The following COL6A6 variants were observed in gnomAD, a reference collection of about 807,000 sequenced individuals.
The protein encoded by COL6A6 is collagen type VI alpha 6 chain, also known as collagen alpha-6(VI) chain.
COL6A6 carries 183 observed loss-of-function variants against 208.6 expected under a neutral mutation model. The observed-to-expected ratio is 0.88, with a 90% CI of 0.78 to 0.99. COL6A6 has a LOEUF of 0.99. Ranked by LOEUF, COL6A6 falls within the 50% of genes least tolerant of loss-of-function variation. COL6A6 has a pLI of 0.00. For synonymous variants in COL6A6, 973 were observed against 1,011.8 expected (o/e 0.96, Z 0.73); for missense variants, 2,816 against 2,815.2 (o/e 1.00, Z -0.01).
chr3:130,544,418 A>G (rs562891210), intron 1 of COL6A6, among the ~76,000 whole-genome samples: 5 of 152,092 alleles, frequency 3.3e-5, no homozygotes, highest in African/African-American at 1.2e-4. Context: ...CAGTTTCTTT[A>G]CCCATTCATC....
Position 130,589,091 on chromosome 3 carries a change from T to A in COL6A6, c.4127T>A (p.Val1376Asp). The A allele has an allele frequency of 6.2e-7, 1 of 1,613,340 alleles. No individual in the cohort carries two copies. The highest frequency in any genetic ancestry group is 8.5e-7 in the Non-Finnish European group (1 of 1,179,328). Residue 1376 changes from valine (V) to aspartate (D), a missense_variant and splice_region_variant, in exon 12 of 37, where the codon GTC becomes GAC. Val to Asp is a radical substitution (Grantham distance 152). Transcript: ENST00000358511. ...ELGSRLSKQL[V>D]NVAERTCCCL... Reference sequence around the variant, plus strand: ...ATGTATTTCTTACCCTCTCCCAAGGTCAATGTTGCTGAAAGGACATGCTGC... The same window carrying A: ...ATGTATTTCTTACCCTCTCCCAAGGACAATGTTGCTGAAAGGACATGCTGC...
At chr3:130,649,673 A>G (rs2065577660) in intron 33 of COL6A6, 111 bp downstream of exon 33, 8 of 1,206,348 alleles carry the variant, frequency 6.6e-6, no homozygotes, top group Non-Finnish European at 7.9e-6. Context: ...GAAGTTTAAA[A>G]AATTCTGGAT....
At chr3:130,518,884 G>A (rs961492681) in intron 1 of COL6A6, among the ~76,000 whole-genome samples, 3 of 152,154 alleles carry the variant, frequency 2.0e-5, no homozygotes, top group Admixed American at 6.5e-5. Flanking sequence ...TGTTTTGGAT[G>A]TTGTGCCATG....
intron 1 of COL6A6, among the ~76,000 whole-genome samples, chr3:130,526,027 G>A (rs1450710163): frequency 6.6e-6 from 1 of 151,682 alleles, no homozygotes; most frequent in Non-Finnish European, 1.5e-5. Context: ...CCTATTCTAG[G>A]TGCTGGAAAA....
chr3:130,635,634 G>T, intron 27 of COL6A6, 65 bp from the exon 28 acceptor site: 1 of 1,082,348 alleles, frequency 9.2e-7, no homozygotes, highest in Non-Finnish European at 1.4e-6. Flanking sequence ...GTTTAAAGAT[G>T]CAAATATGTT....
chr3:130,649,333 G>A lies in COL6A6; in HGVS notation c.5504G>A (p.Arg1835Lys). 6.2e-7 allele frequency: 1 copy of A among 1,609,758 alleles called. No individual in the cohort carries two copies. Among genetic ancestry groups the A allele is most frequent in the East Asian group, 2.2e-5 (1 of 44,776 alleles). ...LREIETIPYE[R>K]SSASREIGRA... ...GAAATTGAAACTATTCCTTATGAGA[G>A]ATCCTCTGCCAGCAGGGAGATTGGC... is the stretch of plus-strand genomic sequence containing the variant. The change falls in exon 33 of 37, where the codon AGA becomes AAA. Residue 1835 changes from arginine to lysine, a missense_variant. Physicochemically the swap from Arg to Lys is conservative, Grantham distance 26. Coordinates refer to ENST00000358511, the MANE Select transcript of COL6A6 (RefSeq NM_001102608.3).
rs762574018 is a variant in COL6A6 at position 130,662,267 on chromosome 3, ATGGTG to A, written c.6464_6468del (p.Gly2155GlufsTer30). The A allele has an allele frequency of 6.2e-7, 1 of 1,613,948 alleles. No individual in the cohort carries two copies. Among genetic ancestry groups the A allele is most frequent in the Non-Finnish European group, 8.5e-7 (1 of 1,179,858 alleles). ...CGAATTCATAAACCTGACCACAGTTATGGTGTGAAGTTTGTGAAGTCCTTTATAAA... is the reference window on the plus strand; with the variant it reads ...CGAATTCATAAACCTGACCACAGTTATGAAGTTTGTGAAGTCCTTTATAAA... On this transcript the variant is annotated frameshift_variant, in exon 35 of 37. Coordinates refer to ENST00000358511, the MANE Select transcript of COL6A6 (RefSeq NM_001102608.3). LOFTEE classifies it high-confidence loss of function.
intron 18 of COL6A6, among the ~76,000 whole-genome samples, chr3:130,595,737 T>A (rs1183696800): frequency 3.3e-5 from 5 of 152,248 alleles, no homozygotes; most frequent in Non-Finnish European, 7.3e-5. Context: ...CAGTTTTTGC[T>A]TTTATAAGTA....
intron 18 of COL6A6, 31 bp from the exon 19 acceptor site, chr3:130,598,334 A>G (rs1393738401): frequency 1.4e-6 from 2 of 1,412,380 alleles, no homozygotes; most frequent in Non-Finnish European, 2.0e-6. Flanking sequence ...GTCCAAATAT[A>G]TTAATTTTTC....
chr3:130,620,028 G>A (rs1297842647), intron 23 of COL6A6, among the ~76,000 whole-genome samples: 1 of 152,044 alleles, frequency 6.6e-6, no homozygotes, highest in African/African-American at 2.4e-5. Flanking sequence ...TTGAACTTCT[G>A]GGCTCAAGTG....
At chr3:130,529,718 G>A (rs1188155066) in intron 1 of COL6A6, among the ~76,000 whole-genome samples, 1 of 152,156 alleles carries the variant, frequency 6.6e-6, no homozygotes, top group East Asian at 1.9e-4. Context: ...CCTGCTGGGA[G>A]CACCTGTAGT....
chr3:130,533,089 G>T (rs940714426), intron 1 of COL6A6, among the ~76,000 whole-genome samples: 1 of 152,014 alleles, frequency 6.6e-6, no homozygotes, highest in Non-Finnish European at 1.5e-5. Context: ...TACTGATCAA[G>T]TAAGTCATTA....
chr3:130,610,889 T>A (rs2064337290), intron 23 of COL6A6, among the ~76,000 whole-genome samples, 178 bp downstream of exon 23: 1 of 152,198 alleles, frequency 6.6e-6, no homozygotes, highest in Admixed American at 6.5e-5. Context: ...CAGAGCAGGC[T>A]ATCACTATCA....
chr3:130,671,393 C>T (rs567251923), intron 36 of COL6A6, among the ~76,000 whole-genome samples: 1 of 152,280 alleles, frequency 6.6e-6, no homozygotes, highest in East Asian at 1.9e-4. Context: ...TCACACTGCC[C>T]CAGATTCACT....
At chr3:130,551,002 A>T (rs1464836568) in intron 1 of COL6A6, among the ~76,000 whole-genome samples, 1 of 152,216 alleles carries the variant, frequency 6.6e-6, no homozygotes, top group African/African-American at 2.4e-5. Context: ...CATCCCAGAG[A>T]TAAAGTCCAC....
Position 130,661,739 on chromosome 3 carries a change from G to C in COL6A6, c.5933G>C (p.Ser1978Thr), listed in dbSNP as rs1013624095. Residue 1978 changes from serine (S) to threonine (T), a missense_variant, in exon 35 of 37, where the codon AGT (serine) becomes ACT (threonine). Transcript: ENST00000358511. ...CTGGATGCCTCCCGGAACATGGGAA[G>C]TGCTGAATTTGAAGACATAAGAGCC... is the stretch of plus-strand genomic sequence containing the variant. ...FLLDASRNMG[S>T]AEFEDIRAFL... 1.2e-6 allele frequency: 2 copies of C among 1,613,976 alleles called. No individual in the cohort carries two copies. Among genetic ancestry groups the C allele is most frequent in the Admixed American group, 1.7e-5 (1 of 60,014 alleles).
rs2108121390 is a variant in COL6A6, at chr3:130,598,357, A to AT, written c.4534-3dup. On this transcript the variant is annotated splice_polypyrimidine_tract_variant and splice_region_variant and intron_variant, in intron 18 of 36. Coordinates refer to ENST00000358511, the MANE Select transcript of COL6A6 (RefSeq NM_001102608.3). ...ATATTAATTTTTCTCTTTATTTTCT[A>AT]TTTTTAGGGAGCTCCTGGAGTTGAC... 8 of 1,532,358 alleles carry AT rather than the reference A, an allele frequency of 5.2e-6. No homozygotes were observed. In the South Asian group the frequency reaches 9.6e-5, roughly 18 times the overall value. The allele number at this position is 1,532,358 out of a possible 1,614,324, so 94.9% of individuals were successfully genotyped here.
chr3:130,531,111 C>T (rs2107704584), intron 1 of COL6A6, among the ~76,000 whole-genome samples: 1 of 151,484 alleles, frequency 6.6e-6, no homozygotes, highest in Middle Eastern at 3.4e-3. Context: ...CATTGCCTTT[C>T]TGTACCTATT....
intron 1 of COL6A6, among the ~76,000 whole-genome samples, chr3:130,554,869 G>C (rs1197968294): frequency 1.3e-5 from 2 of 152,138 alleles, no homozygotes; most frequent in African/African-American, 4.8e-5. Flanking sequence ...CTCTGCTGGA[G>C]CACTCTGAGG....
Sources: gnomAD v4.1 joint callset for allele counts (sites outside exome capture counted in the v4.1 genomes callset) on GRCh38, gnomAD v4.1.1 for gene constraint, MANE v1.5 for transcripts, NCBI Gene and HGNC (gene_info 2026-07-23, HGNC 2026-07-21) for gene names.